The following RGS5 variants were observed in gnomAD, a reference collection of about 807,000 sequenced individuals.
RGS5 encodes regulator of G-protein signalling 5.
A neutral mutation model predicts 18.9 loss-of-function variants in RGS5; 20 were observed. That is an observed-to-expected ratio of 1.06 (90% confidence interval 0.74 to 1.54). RGS5 has a LOEUF of 1.54. Among genes scored for constraint, RGS5 ranks in the 40% most tolerant of loss-of-function variants. The probability of loss-of-function intolerance (pLI) is 0.00; values close to 1 mark genes in which losing one functional copy is unlikely to be tolerated. For missense variants in RGS5, 201 were observed against 211.8 expected, an observed-to-expected ratio of 0.95 and a Z score of 0.32; for synonymous variants, 57 against 76.2, an observed-to-expected ratio of 0.75 and a Z score of 1.31.
At chr1:163,282,999 G>C (rs1000993839) in intron 2 of RGS5, among the ~76,000 whole-genome samples, 1 of 152,118 alleles carries the variant, frequency 6.6e-6, no homozygotes, top group African/African-American at 2.4e-5. Flanking sequence ...GATGAGACTG[G>C]AGTACATTAT....
chr1:163,144,842 A>T lies in RGS5; in HGVS notation c.*2500T>A, dbSNP rs1330346948. The T allele has an allele frequency of 1.3e-5, 2 of 152,604 alleles. No individual in the cohort carries two copies. Among genetic ancestry groups the T allele is most frequent in the Non-Finnish European group, 2.9e-5 (2 of 68,016 alleles). The allele number at this position is 152,604 out of a possible 1,614,324, so 9.5% of individuals were successfully genotyped here. ...AGTGTTCAAAGAAATTTTCTTGAACAATTTTAATATGTTTGATTTCTCATT... is the reference window on the plus strand; with the variant it reads ...AGTGTTCAAAGAAATTTTCTTGAACTATTTTAATATGTTTGATTTCTCATT... On this transcript the variant is annotated 3_prime_UTR_variant, in exon 5 of 5. Transcript: ENST00000313961.
intron 2 of RGS5, chr1:163,238,531 G>T (rs1371427398): frequency 6.4e-6 from 1 of 156,596 alleles, no homozygotes; most frequent in Non-Finnish European, 1.5e-5. Context: ...TCCCAACTTA[G>T]CTAGACCTTC....
chr1:163,251,015 G>T (rs1171175945), intron 2 of RGS5, among the ~76,000 whole-genome samples: 2 of 152,206 alleles, frequency 1.3e-5, no homozygotes, highest in African/African-American at 4.8e-5. Flanking sequence ...ACTGTGCAAA[G>T]AACTGGATAA....
At chr1:163,159,570 T>C (rs984181639) in intron 3 of RGS5, among the ~76,000 whole-genome samples, 20 of 152,182 alleles carry the variant, frequency 1.3e-4, no homozygotes, top group Non-Finnish European at 1.6e-4. Context: ...TTTGTTTCTG[T>C]GAGGTCTCCA....
intron 1 of RGS5, among the ~76,000 whole-genome samples, chr1:163,312,183 G>A (rs1475290129): frequency 1.3e-5 from 2 of 152,130 alleles, no homozygotes; most frequent in African/African-American, 2.4e-5. Flanking sequence ...TTCCCCCTTG[G>A]CTTCCTTCAC....
chr1:163,247,378 T>A (rs1434730255), intron 2 of RGS5, among the ~76,000 whole-genome samples: 1 of 152,180 alleles, frequency 6.6e-6, no homozygotes, highest in African/African-American at 2.4e-5. Context: ...TTAGGCTGTA[T>A]GTTTCTAACC....
intron 3 of RGS5, among the ~76,000 whole-genome samples, chr1:163,153,594 A>G (rs2102384592): frequency 6.6e-6 from 1 of 152,018 alleles, no homozygotes; most frequent in South Asian, 2.1e-4. Context: ...TTGCTCATGT[A>G]GGATAAACTT....
rs1157448840 is a variant in RGS5, at chr1:163,147,220, A to AT, written c.*121dup. 5.7e-6 allele frequency: 6 copies of AT among 1,049,562 alleles called. No individual in the cohort carries two copies. Among genetic ancestry groups the AT allele is most frequent in the African/African-American group, 1.7e-5 (1 of 60,386 alleles). 65.0% of individuals were successfully genotyped at this position (1,049,562 alleles called of 1,614,324 possible). ...AAAAGAGTAAGCAACATCCCCTGGG[A>AT]TTTTTCCCATGTGGGTATCACTGAG... On this transcript the variant is annotated 3_prime_UTR_variant, in exon 5 of 5. Transcript: ENST00000313961.
chr1:163,179,476 T>C (rs1168323671), intron 1 of RGS5, among the ~76,000 whole-genome samples: 1 of 152,178 alleles, frequency 6.6e-6, no homozygotes, highest in Non-Finnish European at 1.5e-5. Context: ...TGAAGGAAAC[T>C]GTCCAGATTA....
At chr1:163,170,399 A>G (rs2102403817) in intron 1 of RGS5, among the ~76,000 whole-genome samples, 1 of 152,284 alleles carries the variant, frequency 6.6e-6, no homozygotes, top group South Asian at 2.1e-4. Flanking sequence ...GCTAACATTT[A>G]CCTCCCAGTC....
At chr1:163,170,902 T>G (rs1473642018) in intron 1 of RGS5, among the ~76,000 whole-genome samples, 1 of 152,202 alleles carries the variant, frequency 6.6e-6, no homozygotes, top group East Asian at 1.9e-4. Flanking sequence ...GCAAGTTACT[T>G]AAATTATCTA....
At chr1:163,295,934 G>C (rs186002869) in intron 2 of RGS5, among the ~76,000 whole-genome samples, 7 of 151,978 alleles carry the variant, frequency 4.6e-5, no homozygotes, top group African/African-American at 1.7e-4. Flanking sequence ...TCAACTCTCT[G>C]TTTTCACAGA....
At chr1:163,243,337 T>C (rs149527831) in intron 2 of RGS5, among the ~76,000 whole-genome samples, 2,260 of 152,086 alleles carry the variant, frequency 0.015, 24 homozygotes, top group South Asian at 0.025. Context: ...AAATACTTAA[T>C]GCATGCAGGG....
At chr1:163,157,176 A>G (rs767069801) in intron 3 of RGS5, among the ~76,000 whole-genome samples, 16 of 152,178 alleles carry the variant, frequency 1.1e-4, no homozygotes, top group Non-Finnish European at 2.2e-4. Flanking sequence ...GATCCACATA[A>G]AAACTTTGCT....
At chr1:163,175,875 G>T (rs1428353904) in intron 1 of RGS5, among the ~76,000 whole-genome samples, 1 of 152,128 alleles carries the variant, frequency 6.6e-6, no homozygotes, top group Non-Finnish European at 1.5e-5. Context: ...TGAAGAAAAT[G>T]CTAAGGAATA....
At chr1:163,178,587 C>T (rs1321985619) in intron 1 of RGS5, among the ~76,000 whole-genome samples, 3 of 152,108 alleles carry the variant, frequency 2.0e-5, no homozygotes, top group African/African-American at 7.2e-5. Flanking sequence ...CCTAAACCCA[C>T]ACAAGGGGCT....
intron 2 of RGS5, among the ~76,000 whole-genome samples, chr1:163,297,813 C>A (rs1004172413): frequency 3.6e-4 from 54 of 152,042 alleles, no homozygotes; most frequent in Admixed American, 3.2e-3. Context: ...AATATATTCC[C>A]AATAGTTTCA....
chr1:163,251,762 T>A (rs1648112914), intron 2 of RGS5, among the ~76,000 whole-genome samples: 1 of 152,204 alleles, frequency 6.6e-6, no homozygotes, highest in South Asian at 2.1e-4. Flanking sequence ...GAATCATACA[T>A]ACAATCATGT....
At chr1:163,285,964 T>C (rs550562803) in intron 2 of RGS5, among the ~76,000 whole-genome samples, 2 of 150,940 alleles carry the variant, frequency 1.3e-5, no homozygotes, top group South Asian at 4.2e-4. Context: ...TTTATAGCAG[T>C]GTGAGAACAG....
Sources: gnomAD v4.1 joint callset for allele counts (sites outside exome capture counted in the v4.1 genomes callset) on GRCh38, gnomAD v4.1.1 for gene constraint, MANE v1.5 for transcripts, NCBI Gene and HGNC (gene_info 2026-07-23, HGNC 2026-07-21) for gene names.